The following GRM8 variants were observed in gnomAD, a reference collection of about 807,000 sequenced individuals.
GRM8 encodes the protein glutamate metabotropic receptor 8.
GRM8 carries 47 observed loss-of-function variants against 87.2 expected under a neutral mutation model. The ratio of observed to expected loss-of-function variants is 0.54; its 90% CI spans 0.43 to 0.69. GRM8 has a LOEUF of 0.69. Ranked by LOEUF, GRM8 falls within the 30% of genes least tolerant of loss-of-function variation. The pLI, the probability that GRM8 is intolerant of heterozygous loss-of-function variation, is 0.00. For synonymous variants in GRM8, 396 were observed against 404.5 expected (o/e 0.98, Z 0.25); for missense variants, 1,019 against 1,139.2 (o/e 0.89, Z 1.52).
intron 6 of GRM8, among the ~76,000 whole-genome samples, chr7:126,857,070 A>G (rs1221510594): frequency 6.6e-6 from 1 of 152,232 alleles, no homozygotes; most frequent in East Asian, 1.9e-4. Context: ...TTCCATGAAT[A>G]GGAAGATCTT....
intron 7 of GRM8, among the ~76,000 whole-genome samples, chr7:126,737,340 C>T (rs969556314): frequency 2.0e-5 from 3 of 151,918 alleles, no homozygotes; most frequent in Non-Finnish European, 2.9e-5. Context: ...CGACTCCTTA[C>T]GATTTCATCT....
intron 9 of GRM8, among the ~76,000 whole-genome samples, chr7:126,494,335 T>C (rs1251037872): frequency 6.6e-6 from 1 of 151,944 alleles, no homozygotes; most frequent in Non-Finnish European, 1.5e-5. Flanking sequence ...AAACAAAACA[T>C]CATTTCAAAC....
intron 8 of GRM8, among the ~76,000 whole-genome samples, chr7:126,600,504 T>C (rs1042839898): frequency 1.3e-5 from 2 of 152,154 alleles, no homozygotes; most frequent in African/African-American, 4.8e-5. Flanking sequence ...CCATGGACTA[T>C]CATCCTGCCT....
Position 126,460,512 on chromosome 7 carries a change from A to T in GRM8, c.2431-14140T>A, listed in dbSNP as rs141647601. Among the ~76,000 whole-genome samples, 106 of 151,604 alleles carry T rather than the reference A, an allele frequency of 7.0e-4. 1 individual carries two copies. In the East Asian group the frequency reaches 0.018, roughly 26 times the overall value. On this transcript the variant is annotated intron_variant, in intron 9 of 10. Transcript: ENST00000339582. ...CCAGTGAAAGGTGGAGAAGGCTTTG[A>T]CCAGTACTCATAACTCTAGACCACA...
At chr7:127,076,280 C>T in intron 3 of GRM8, 1 of 449,450 alleles carries the variant, frequency 2.2e-6, no homozygotes, top group South Asian at 1.6e-5. Flanking sequence ...ACTTTTAATG[C>T]TGTAATATAC....
chr7:126,683,816 T>C (rs1807877204), intron 7 of GRM8, among the ~76,000 whole-genome samples: 1 of 152,196 alleles, frequency 6.6e-6, no homozygotes, highest in Admixed American at 6.5e-5. Context: ...TTCCCATAGC[T>C]CTTTTCATCC....
chr7:126,879,248 A>G (rs1008414700), intron 6 of GRM8, among the ~76,000 whole-genome samples: 3 of 151,860 alleles, frequency 2.0e-5, no homozygotes, highest in African/African-American at 4.8e-5. Flanking sequence ...AAGGGAGGGG[A>G]AGAGGCAATT....
intron 3 of GRM8, among the ~76,000 whole-genome samples, chr7:127,075,163 T>C (rs1822127368): frequency 6.6e-6 from 1 of 152,190 alleles, no homozygotes; most frequent in Non-Finnish European, 1.5e-5. Flanking sequence ...AGTAAAGATC[T>C]CAGGGGTAAA....
chr7:127,239,545 C>A (rs17867073), intron 2 of GRM8, among the ~76,000 whole-genome samples: 1,601 of 152,290 alleles, frequency 0.011, 24 homozygotes, highest in African/African-American at 0.037. Context: ...CAAGTCATAA[C>A]CTTTGGAAAA....
At chr7:126,850,261 C>T (rs1797093076) in intron 6 of GRM8, among the ~76,000 whole-genome samples, 1 of 152,192 alleles carries the variant, frequency 6.6e-6, no homozygotes, top group African/African-American at 2.4e-5. Flanking sequence ...AGCATACATT[C>T]CTGGTTTACC....
At chr7:127,074,868 G>A (rs898501701) in intron 3 of GRM8, among the ~76,000 whole-genome samples, 3 of 152,112 alleles carry the variant, frequency 2.0e-5, no homozygotes, top group Admixed American at 2.0e-4. Context: ...CCCTGCCTAG[G>A]GCTCACCCTG....
At chr7:126,549,773 G>A (rs1792373898) in intron 8 of GRM8, among the ~76,000 whole-genome samples, 1 of 152,104 alleles carries the variant, frequency 6.6e-6, no homozygotes, top group African/African-American at 2.4e-5. Flanking sequence ...ACCTGAATAT[G>A]TAATGCAATA....
At chr7:126,819,954 T>G (rs971087513) in intron 6 of GRM8, among the ~76,000 whole-genome samples, 13 of 152,166 alleles carry the variant, frequency 8.5e-5, no homozygotes, top group Admixed American at 7.9e-4. Context: ...AGGTACACTG[T>G]CTAATACAGT....
chr7:126,567,896 A>G (rs1021502500), intron 8 of GRM8, among the ~76,000 whole-genome samples: 1 of 152,084 alleles, frequency 6.6e-6, no homozygotes, highest in African/African-American at 2.4e-5. Context: ...ACAGTGGAGG[A>G]TGTAAGGGGT....
At chr7:127,033,593 C>T (rs1817586429) in intron 3 of GRM8, among the ~76,000 whole-genome samples, 1 of 152,064 alleles carries the variant, frequency 6.6e-6, no homozygotes, top group African/African-American at 2.4e-5. Flanking sequence ...TTATAGAAAT[C>T]ATGTATGTTA....
At chr7:127,166,585 G>A (rs1793467849) in intron 2 of GRM8, among the ~76,000 whole-genome samples, 1 of 152,140 alleles carries the variant, frequency 6.6e-6, no homozygotes, top group Admixed American at 6.6e-5. Context: ...AGGAAAGGCG[G>A]CGATGGGACT....
At chr7:126,682,252 A>G (rs987096077) in intron 7 of GRM8, among the ~76,000 whole-genome samples, 2 of 152,244 alleles carry the variant, frequency 1.3e-5, no homozygotes, top group Non-Finnish European at 2.9e-5. Flanking sequence ...CTGACACACA[A>G]TAGGCACTCT....
At chr7:127,105,826 G>A (rs1278337478) in intron 3 of GRM8, among the ~76,000 whole-genome samples, 1 of 152,080 alleles carries the variant, frequency 6.6e-6, no homozygotes, top group African/African-American at 2.4e-5. Flanking sequence ...TGTTTTCAAA[G>A]TAGTGGAATG....
chr7:126,609,103 G>A (rs1798654746), intron 8 of GRM8, among the ~76,000 whole-genome samples: 1 of 151,936 alleles, frequency 6.6e-6, no homozygotes, highest in Non-Finnish European at 1.5e-5. Flanking sequence ...TCATAAAAGG[G>A]CAAAATTTAT....
Sources: allele counts gnomAD v4.1 joint callset (sites outside exome capture counted in the v4.1 genomes callset), GRCh38; gene constraint gnomAD v4.1.1; transcripts MANE v1.5; gene names NCBI Gene and HGNC (gene_info 2026-07-23, HGNC 2026-07-21).